SLC49A4: variants seen among roughly 807,000 people sequenced by gnomAD.
SLC49A4 encodes the protein disrupted in renal cancer protein 2.
Under a neutral mutation model 50.6 loss-of-function variants are expected in SLC49A4, and 36 were observed. The observed-to-expected ratio is 0.71, with a 90% CI of 0.55 to 0.94. The LOEUF (loss-of-function observed/expected upper bound fraction) is 0.94, where lower values mean the gene tolerates loss of function less well. Among genes scored for constraint, SLC49A4 ranks in the 40% least tolerant of loss-of-function variants. The pLI, the probability that SLC49A4 is intolerant of heterozygous loss-of-function variation, is 0.00. For synonymous variants in SLC49A4, 248 were observed against 241.2 expected, an observed-to-expected ratio of 1.03 and a Z score of -0.26; for missense variants, 503 against 605.7, an observed-to-expected ratio of 0.83 and a Z score of 1.78.
At chr3:122,849,071 C>A (rs1306584065) in intron 5 of SLC49A4, among the ~76,000 whole-genome samples, 3 of 152,180 alleles carry the variant, frequency 2.0e-5, no homozygotes, top group African/African-American at 7.2e-5. Flanking sequence ...GTTTGTCTTT[C>A]TATACCTGGC....
At chr3:122,811,093 ATTATCT>A (rs1212419066) in intron 2 of SLC49A4, among the ~76,000 whole-genome samples, 1 of 152,248 alleles carries the variant, frequency 6.6e-6, no homozygotes, top group Non-Finnish European at 1.5e-5. Flanking sequence ...AAAAATTTAG[ATTATCT>A]TTATGATTGA....
At chr3:122,815,394 G>A (rs1159144402) in intron 2 of SLC49A4, among the ~76,000 whole-genome samples, 1 of 152,096 alleles carries the variant, frequency 6.6e-6, no homozygotes, top group Non-Finnish European at 1.5e-5. Flanking sequence ...TGGCCTGTTT[G>A]TGTCATTTCT....
intron 7 of SLC49A4, among the ~76,000 whole-genome samples, chr3:122,869,565 G>A (rs761763952): frequency 2.0e-5 from 3 of 151,970 alleles, no homozygotes; most frequent in African/African-American, 7.2e-5. Context: ...CTGCATAGCA[G>A]TAGGATAAAT....
chr3:122,798,632 A>ATTT (rs1299184434), intron 1 of SLC49A4, among the ~76,000 whole-genome samples: 16 of 89,788 alleles, frequency 1.8e-4, no homozygotes, highest in Admixed American at 4.1e-4. Context: ...GTACTAAAAT[A>ATTT]TCTTTTTTTT....
intron 8 of SLC49A4, among the ~76,000 whole-genome samples, chr3:122,873,260 A>G (rs1327186515): frequency 6.6e-6 from 1 of 152,024 alleles, no homozygotes; most frequent in African/African-American, 2.4e-5. Context: ...ACTCACTGCA[A>G]CCTCTGCCTC....
chr3:122,829,003 T>C (rs1936574211), intron 3 of SLC49A4, among the ~76,000 whole-genome samples: 1 of 152,236 alleles, frequency 6.6e-6, no homozygotes, highest in South Asian at 2.1e-4. Flanking sequence ...ATTGCTTTCA[T>C]GTTTGCCAAT....
intron 7 of SLC49A4, among the ~76,000 whole-genome samples, chr3:122,870,437 G>A (rs997212324): frequency 2.0e-5 from 3 of 151,308 alleles, no homozygotes; most frequent in Admixed American, 6.6e-5. Context: ...GGCTGGTCTC[G>A]AACTCCTGGG....
chr3:122,801,120 A>G (rs1391069135), intron 1 of SLC49A4, among the ~76,000 whole-genome samples: 1 of 152,206 alleles, frequency 6.6e-6, no homozygotes, highest in African/African-American at 2.4e-5. Flanking sequence ...CCAAGAGTAG[A>G]GGGTTAGGTA....
chr3:122,865,112 A>G (rs962449860), intron 7 of SLC49A4, among the ~76,000 whole-genome samples: 10 of 152,358 alleles, frequency 6.6e-5, no homozygotes, highest in Admixed American at 2.0e-4. Flanking sequence ...ACTGTTTTCA[A>G]TTTTATGGAC....
At position 122,848,583 on chromosome 3, in the gene SLC49A4, G is replaced by A. The variant is rs185972226; in HGVS notation, c.942+2712G>A. Among the ~76,000 whole-genome samples the A allele has an allele frequency of 2.4e-4, 37 of 152,118 alleles. 1 individual carries two copies. Among genetic ancestry groups the A allele is most frequent in the Admixed American group, 1.8e-3 (28 of 15,286 alleles). ...TCTGAATGATGCTTTATAATTTTCA[G>A]CAAAGATACCTTCTATGTGTTTGTT... On this transcript the variant is annotated intron_variant, in intron 5 of 8. Transcript: ENST00000261038.
intron 3 of SLC49A4, 84 bp from the exon 4 acceptor site, chr3:122,833,233 C>T: frequency 7.3e-7 from 1 of 1,376,444 alleles, no homozygotes; most frequent in Non-Finnish European, 1.0e-6. Flanking sequence ...GGAGTGAGAC[C>T]CTGTTTCAAA....
At chr3:122,808,842 A>G (rs1343246234) in intron 2 of SLC49A4, among the ~76,000 whole-genome samples, 3 of 152,216 alleles carry the variant, frequency 2.0e-5, no homozygotes, top group African/African-American at 7.2e-5. Flanking sequence ...ATCATCTTGA[A>G]TATTCAAAAT....
At chr3:122,870,884 A>G (rs76601920) in intron 7 of SLC49A4, among the ~76,000 whole-genome samples, 7,226 of 151,748 alleles carry the variant, frequency 0.048, 210 homozygotes, top group Middle Eastern at 0.093. Flanking sequence ...ACAATACTCT[A>G]TAGAAGCCAC....
At chr3:122,837,112 A>G (rs1456292785) in intron 4 of SLC49A4, among the ~76,000 whole-genome samples, 1 of 152,216 alleles carries the variant, frequency 6.6e-6, no homozygotes, top group African/African-American at 2.4e-5. Context: ...GGAAGAATCA[A>G]TATCGTGAAA....
Position 122,795,079 on chromosome 3 carries a change from C to T in SLC49A4, c.-114C>T. The T allele has an allele frequency of 8.4e-7, 1 of 1,186,492 alleles. No homozygotes were observed. Among genetic ancestry groups the T allele is most frequent in the Non-Finnish European group, 1.1e-6 (1 of 950,362 alleles). 73.5% of individuals were successfully genotyped at this position (1,186,492 alleles called of 1,614,324 possible). ...AGGCGCACCAGGCGCGGTCCGGAGG[C>T]CGAGGGCGACCACAGCAGCCTCCGC... On this transcript the variant is annotated 5_prime_UTR_variant, in exon 1 of 9. Coordinates refer to ENST00000261038, the MANE Select transcript of SLC49A4 (RefSeq NM_032839.3).
chr3:122,795,291 G>A lies in SLC49A4; in HGVS notation c.99G>A (p.Ala33=), dbSNP rs899837630. The change falls in exon 1 of 9, where the codon GCG becomes GCA. Residue 33 remains alanine, a synonymous_variant. Coordinates refer to ENST00000261038, the MANE Select transcript of SLC49A4 (RefSeq NM_032839.3). ...CCTCCTGGAGAAGCCGGGAGGCGGC[G>A]GCGGCGGCGCTGCCCGCGGCGGTCC... ...LGASWRSREA[A]AAALPAAVPG... 2.8e-6 allele frequency: 4 copies of A among 1,426,026 alleles called. No individual in the cohort carries two copies. The highest frequency in any genetic ancestry group is 3.6e-6 in the Non-Finnish European group (4 of 1,103,036). The allele number at this position is 1,426,026 out of a possible 1,614,324, so 88.3% of individuals were successfully genotyped here. A position where few individuals can be genotyped will look rare whatever the true frequency, so the allele number is the denominator to read the frequency against.
intron 1 of SLC49A4, among the ~76,000 whole-genome samples, chr3:122,801,177 A>C (rs902632566): frequency 6.6e-6 from 1 of 152,230 alleles, no homozygotes; most frequent in African/African-American, 2.4e-5. Context: ...GGACAAAGGA[A>C]ACACATGAGG....
chr3:122,867,787 C>A (rs995275918), intron 7 of SLC49A4, among the ~76,000 whole-genome samples: 1 of 152,056 alleles, frequency 6.6e-6, no homozygotes, highest in African/African-American at 2.4e-5. Flanking sequence ...CGAGACCATC[C>A]TGGCTAACAC....
intron 7 of SLC49A4, among the ~76,000 whole-genome samples, chr3:122,860,491 AAGATTT>A (rs1334743774): frequency 1.7e-4 from 26 of 152,366 alleles, no homozygotes; most frequent in Admixed American, 1.1e-3. Flanking sequence ...GCATAATACA[AAGATTT>A]TTATCTTGGT....
Sources: allele counts gnomAD v4.1 joint callset (sites outside exome capture counted in the v4.1 genomes callset), GRCh38; gene constraint gnomAD v4.1.1; transcripts MANE v1.5; gene names NCBI Gene and HGNC (gene_info 2026-07-23, HGNC 2026-07-21).